UROC1: variants seen among roughly 807,000 people sequenced by gnomAD.
UROC1 encodes the protein urocanate hydratase.
UROC1 carries 79 observed loss-of-function variants against 89.5 expected under a neutral mutation model. The observed-to-expected ratio is 0.88, with a 90% CI of 0.74 to 1.06. The LOEUF (loss-of-function observed/expected upper bound fraction) is 1.06, where lower values mean the gene tolerates loss of function less well. Among genes scored for constraint, UROC1 ranks in the 50% least tolerant of loss-of-function variants. The pLI, the probability that UROC1 is intolerant of heterozygous loss-of-function variation, is 0.00. For synonymous variants in UROC1, 361 were observed against 354.8 expected (o/e 1.02, Z -0.20); for missense variants, 885 against 907.8 (o/e 0.97, Z 0.32).
chr3:126,503,452 T>C (rs1296115540), intron 9 of UROC1, among the ~76,000 whole-genome samples: 1 of 152,198 alleles, frequency 6.6e-6, no homozygotes, highest in Non-Finnish European at 1.5e-5. Context: ...CTGAAATACC[T>C]CTGAAGACTT....
At chr3:126,501,614 C>T (rs1486450730) in intron 9 of UROC1, among the ~76,000 whole-genome samples, 1 of 152,210 alleles carries the variant, frequency 6.6e-6, no homozygotes, top group Admixed American at 6.5e-5. Context: ...CCAAGGTGGT[C>T]CCAGAGTTGC....
chr3:126,494,060 A>G (rs1450507338), intron 15 of UROC1, among the ~76,000 whole-genome samples: 1 of 152,230 alleles, frequency 6.6e-6, no homozygotes, highest in Non-Finnish European at 1.5e-5. Flanking sequence ...CGTGTGAATC[A>G]GCACTGCAGA....
chr3:126,504,962 T>C (rs533249638), intron 8 of UROC1, among the ~76,000 whole-genome samples: 3 of 152,128 alleles, frequency 2.0e-5, no homozygotes, highest in Non-Finnish European at 4.4e-5. Context: ...ATGAATGGCT[T>C]GATGCAGTCC....
chr3:126,494,523 G>A (rs72979979), intron 15 of UROC1, among the ~76,000 whole-genome samples: 5 of 152,188 alleles, frequency 3.3e-5, no homozygotes, highest in Admixed American at 1.3e-4. Flanking sequence ...AAACCATTGC[G>A]TATGGATGAG....
chr3:126,517,477 C>A, intron 1 of UROC1, 117 bp downstream of exon 1: 1 of 1,521,546 alleles, frequency 6.6e-7, no homozygotes, highest in Non-Finnish European at 9.0e-7. Flanking sequence ...CCCCTGGAGT[C>A]CAGGGTGGGC....
chr3:126,500,553 GGGT>G (rs1935893607), intron 11 of UROC1, 139 bp downstream of exon 11: 1 of 1,000,814 alleles, frequency 1.0e-6, no homozygotes, highest in Non-Finnish European at 1.6e-6. Context: ...TCCGTCTGAT[GGGT>G]GGAGGCAGAG....
At chr3:126,514,396 A>T (rs1306413768) in intron 1 of UROC1, among the ~76,000 whole-genome samples, 2 of 152,322 alleles carry the variant, frequency 1.3e-5, no homozygotes, top group East Asian at 1.9e-4. Flanking sequence ...CATTTTTAAC[A>T]GGGGAACTGC....
At chr3:126,504,412 G>A (rs1030580724) in intron 8 of UROC1, among the ~76,000 whole-genome samples, 3 of 152,286 alleles carry the variant, frequency 2.0e-5, no homozygotes, top group Admixed American at 2.0e-4. Flanking sequence ...TGACCAATGA[G>A]ATAAAAGGAG....
intron 16 of UROC1, among the ~76,000 whole-genome samples, chr3:126,490,743 A>T (rs1193133601): frequency 3.9e-5 from 6 of 152,010 alleles, no homozygotes; most frequent in Non-Finnish European, 8.8e-5. Context: ...ACTGGGAGGA[A>T]CCCTGACTAA....
At position 126,490,552 on chromosome 3, in the gene UROC1, G is replaced by A. The variant is rs541873950; in HGVS notation, c.1609-1177C>T. On this transcript the variant is annotated intron_variant, in intron 16 of 19. Transcript: ENST00000290868. ...ATACCTAAATTAGCCAGGTGTTGTG[G>A]TGCACGCCTGTAATCACAGCTCGTC... 5.6e-4 allele frequency among the ~76,000 whole-genome samples: 85 copies of A among 152,272 alleles called. 1 individual carries two copies. Among genetic ancestry groups the A allele is most frequent in the African/African-American group, 1.9e-3 (81 of 41,548 alleles).
At chr3:126,488,766 C>T (rs1220477475) in intron 17 of UROC1, among the ~76,000 whole-genome samples, 1 of 152,232 alleles carries the variant, frequency 6.6e-6, no homozygotes, top group East Asian at 1.9e-4. Context: ...AAGCCGGTCA[C>T]CTTATAAGTG....
chr3:126,507,321 C>T (rs752392902), intron 6 of UROC1, among the ~76,000 whole-genome samples: 3 of 150,134 alleles, frequency 2.0e-5, no homozygotes, highest in Non-Finnish European at 3.0e-5. Context: ...GTTGAATTCC[C>T]GTCAGTAATA....
chr3:126,483,506 G>A (rs1283259722), intron 18 of UROC1, 38 bp from the exon 19 acceptor site: 1 of 1,570,976 alleles, frequency 6.4e-7, no homozygotes, highest in Admixed American at 1.7e-5. Context: ...CATTCCTGGG[G>A]CCCAACACTG....
chr3:126,504,672 G>A lies in UROC1; in HGVS notation c.814-589C>T, dbSNP rs1936014608. Reference sequence around the variant, plus strand: ...GCTGTAGGTAGGTTTCTTGTTACCTGCAGCTTGGTGCACTCCTAACAAGCA... The same window carrying A: ...GCTGTAGGTAGGTTTCTTGTTACCTACAGCTTGGTGCACTCCTAACAAGCA... On this transcript the variant is annotated intron_variant, in intron 8 of 19. Coordinates refer to ENST00000290868, the MANE Select transcript of UROC1 (RefSeq NM_144639.3). Among the ~76,000 whole-genome samples the A allele has an allele frequency of 2.0e-5, 3 of 152,174 alleles. No homozygotes were observed. In the South Asian group the frequency reaches 6.2e-4, roughly 32 times the overall value.
Position 126,502,195 on chromosome 3 carries a change from C to T in UROC1, c.903-915G>A, listed in dbSNP as rs191159586. The stretch of plus-strand genomic sequence containing the variant: ...TATGGGCATGTGCGTGTGTGTGTTG[C>T]GTGTGTTTGTGTGTGTGTCTGTGTG... On this transcript the variant is annotated intron_variant, in intron 9 of 19. Transcript: ENST00000290868. 1.7e-3 allele frequency among the ~76,000 whole-genome samples: 259 copies of T among 150,882 alleles called. 2 individuals are homozygous for T. The highest frequency in any genetic ancestry group is 4.3e-3 in the African/African-American group (178 of 41,060).
At position 126,501,169 on chromosome 3, in the gene UROC1, G is replaced by T. The variant is rs750595968; in HGVS notation, c.965+49C>A. 10 of 1,598,442 alleles carry T rather than the reference G, an allele frequency of 6.3e-6. No individual in the cohort carries two copies. In the South Asian group the frequency reaches 8.8e-5, roughly 14 times the overall value. On this transcript the variant is annotated intron_variant, in intron 10 of 19. Transcript: ENST00000290868. ...CAGCATTGAGGTCTTTGCTCAGGGG[G>T]CCCCATCTGGGTTCCCAAGCTGGCC...
In UROC1 at chr3:126,500,070, C is replaced by T; in HGVS notation, c.1230G>A (p.Glu410=). The change falls in exon 12 of 20, where the codon GAG becomes GAA. Residue 410 remains glutamate, a synonymous_variant. Coordinates refer to ENST00000290868, the MANE Select transcript of UROC1 (RefSeq NM_144639.3). ...CCTTCCTCCTACCTGCTCTCTGGGC[C>T]TCCAAGAGGAAGGCATTGCCGTAGT... The part of the protein sequence containing the change: ...FWDYGNAFLL[E]AQRAGADVEK... The T allele has an allele frequency of 6.2e-7, 1 of 1,613,566 alleles. No homozygotes were observed. The highest frequency in any genetic ancestry group is 1.3e-5 in the African/African-American group (1 of 75,068).
At chr3:126,483,273 C>A in intron 19 of UROC1, 96 bp downstream of exon 19, 1 of 1,174,400 alleles carries the variant, frequency 8.5e-7, no homozygotes, top group Non-Finnish European at 1.2e-6. Flanking sequence ...CCCCCATCCC[C>A]ACACCCAGGA....
intron 14 of UROC1, among the ~76,000 whole-genome samples, chr3:126,496,738 TATC>T (rs1421435768): frequency 6.6e-6 from 1 of 152,180 alleles, no homozygotes. Context: ...TTAACATAAA[TATC>T]ATTAAAATTT....
Sources: allele counts gnomAD v4.1 joint callset (sites outside exome capture counted in the v4.1 genomes callset), GRCh38; gene constraint gnomAD v4.1.1; transcripts MANE v1.5; gene names NCBI Gene and HGNC (gene_info 2026-07-23, HGNC 2026-07-21).